PEPD: variants seen among roughly 807,000 people sequenced by gnomAD.
PEPD encodes the protein xaa-Pro dipeptidase.
In PEPD, 53 loss-of-function variants were observed where a neutral mutation model predicts 60.7. That is an observed-to-expected ratio of 0.87 (90% CI 0.70 to 1.10). The LOEUF is 1.10. Ranked by LOEUF, PEPD falls within the 50% of genes least tolerant of loss-of-function variation. The pLI, the probability that PEPD is intolerant of heterozygous loss-of-function variation, is 0.00. For synonymous variants in PEPD, 267 were observed against 284.1 expected, an observed-to-expected ratio of 0.94 and a Z score of 0.60; for missense variants, 711 against 711.9, an observed-to-expected ratio of 1.00 and a Z score of 0.01.
intron 9 of PEPD, among the ~76,000 whole-genome samples, chr19:33,433,034 GGAATTGTTTCTATCCCTCCATTCCT>G (rs532726974): frequency 7.9e-4 from 120 of 152,332 alleles, no homozygotes; most frequent in African/African-American, 2.8e-3. Flanking sequence ...ACACTTTAAG[GGAATTGTTTCTATCCCTCCATTCCT>G]GAACAAGCCA....
intron 12 of PEPD, among the ~76,000 whole-genome samples, chr19:33,393,300 C>T (rs867757002): frequency 7.3e-4 from 108 of 148,634 alleles, no homozygotes; most frequent in Middle Eastern, 3.5e-3. Flanking sequence ...GGGGAGAGCC[C>T]GGGGTCTGGC....
intron 4 of PEPD, among the ~76,000 whole-genome samples, chr19:33,500,734 A>G (rs768551865): frequency 2.7e-4 from 41 of 152,208 alleles, no homozygotes; most frequent in Non-Finnish European, 5.1e-4. Context: ...CTTCCCAGGC[A>G]AAGCAATGGC....
At chr19:33,412,359 A>G (rs1262423912) in intron 10 of PEPD, among the ~76,000 whole-genome samples, 4 of 152,174 alleles carry the variant, frequency 2.6e-5, no homozygotes, top group Non-Finnish European at 5.9e-5. Flanking sequence ...AATTAAAAAA[A>G]GAGCAAAAAA....
chr19:33,405,598 C>T (rs1180963015), intron 11 of PEPD, among the ~76,000 whole-genome samples: 2 of 152,210 alleles, frequency 1.3e-5, no homozygotes, highest in African/African-American at 4.8e-5. Flanking sequence ...CCCCAGTGGG[C>T]GGCCCCTGCA....
At chr19:33,405,753 C>G (rs1166639180) in intron 11 of PEPD, among the ~76,000 whole-genome samples, 1 of 152,248 alleles carries the variant, frequency 6.6e-6, no homozygotes, top group Non-Finnish European at 1.5e-5. Flanking sequence ...CGTGCCATGG[C>G]CTAACCCACC....
intron 5 of PEPD, 50 bp downstream of exon 5, chr19:33,493,240 A>G (rs746291180): frequency 8.0e-6 from 11 of 1,376,888 alleles, no homozygotes; most frequent in Non-Finnish European, 1.0e-5. Flanking sequence ...CCCCATAAAA[A>G]CCCTCCCCAG....
rs965203700 is a variant in PEPD at position 33,461,797 on chromosome 19, G to GC, written c.671+1197dup. Among the ~76,000 whole-genome samples, 9 of 152,296 alleles carry GC rather than the reference G, an allele frequency of 5.9e-5. No individual in the cohort carries two copies. In the East Asian group the frequency reaches 1.2e-3, roughly 20 times the overall value. On this transcript the variant is annotated intron_variant, in intron 9 of 14. Coordinates refer to ENST00000244137, the MANE Select transcript of PEPD (RefSeq NM_000285.4). ...CACTGCAGAAGGAGACCACGCAGAC[G>GC]CAAGTGCTGGGATAGCTCTGCGAGC...
intron 5 of PEPD, among the ~76,000 whole-genome samples, chr19:33,490,733 G>A (rs963505575): frequency 6.6e-6 from 1 of 151,962 alleles, no homozygotes; most frequent in African/African-American, 2.4e-5. Flanking sequence ...GCACCATCTC[G>A]GCTCACCTCA....
intron 9 of PEPD, 51 bp from the exon 10 acceptor site, chr19:33,413,694 C>T (rs1311601542): frequency 3.6e-6 from 4 of 1,124,550 alleles, no homozygotes; most frequent in Non-Finnish European, 5.3e-6. Context: ...AGGCACACCC[C>T]ACTCCACGAG....
In PEPD at chr19:33,511,143, G is replaced by A; in HGVS notation, c.214C>T (p.His72Tyr). 6.2e-7 allele frequency: 1 copy of A among 1,614,054 alleles called. No homozygotes were observed. The highest frequency in any genetic ancestry group is 8.5e-7 in the Non-Finnish European group (1 of 1,179,942). The change falls in exon 3 of 15, where the codon CAC becomes TAC. Residue 72 changes from histidine to tyrosine, a missense_variant. Physicochemically the swap from His to Tyr is moderately conservative, Grantham distance 83. Coordinates refer to ENST00000244137, the MANE Select transcript of PEPD (RefSeq NM_000285.4). ...GGCTCAGTGACACCGAACGCCCAGT[G>A]AAAGAAGGACTCCTGTGGCGGGAAC... ...GVLFRQESFF[H>Y]WAFGVTEPGC...
intron 9 of PEPD, among the ~76,000 whole-genome samples, chr19:33,451,446 A>G (rs1246596142): frequency 6.6e-6 from 1 of 152,254 alleles, no homozygotes; most frequent in Non-Finnish European, 1.5e-5. Context: ...GTGATTCTAC[A>G]TTTAACATGG....
intron 6 of PEPD, among the ~76,000 whole-genome samples, chr19:33,479,345 A>G (rs1455684448): frequency 1.3e-5 from 2 of 152,206 alleles, no homozygotes; most frequent in Non-Finnish European, 2.9e-5. Flanking sequence ...CCTTATCAAT[A>G]ATTACTTTAG....
At chr19:33,445,821 C>G (rs538728737) in intron 9 of PEPD, among the ~76,000 whole-genome samples, 43 of 152,316 alleles carry the variant, frequency 2.8e-4, no homozygotes, top group African/African-American at 1.0e-3. Flanking sequence ...CGAGTCCCAC[C>G]AGGCTCAAAG....
chr19:33,439,934 G>A (rs532338269), intron 9 of PEPD, among the ~76,000 whole-genome samples: 1 of 152,260 alleles, frequency 6.6e-6, no homozygotes, highest in Admixed American at 6.5e-5. Flanking sequence ...CCCAGGCTGG[G>A]CTCGAACCCC....
At chr19:33,395,351 A>T (rs1192002687) in intron 12 of PEPD, among the ~76,000 whole-genome samples, 1 of 151,976 alleles carries the variant, frequency 6.6e-6, no homozygotes, top group Non-Finnish European at 1.5e-5. Context: ...TGCTTGGTAA[A>T]CGCCTGGAAG....
chr19:33,444,223 A>C (rs1230307640), intron 9 of PEPD, among the ~76,000 whole-genome samples: 2 of 152,102 alleles, frequency 1.3e-5, no homozygotes, highest in African/African-American at 4.8e-5. Context: ...CACCACATAC[A>C]TGCATGCATG....
intron 11 of PEPD, among the ~76,000 whole-genome samples, chr19:33,411,262 T>G (rs1406944043): frequency 6.6e-6 from 1 of 152,044 alleles, no homozygotes; most frequent in Non-Finnish European, 1.5e-5. Flanking sequence ...CGTGGGAGGC[T>G]CCCTGCGGTC....
At chr19:33,501,421 G>A (rs1011516590) in intron 3 of PEPD, among the ~76,000 whole-genome samples, 3 of 152,130 alleles carry the variant, frequency 2.0e-5, no homozygotes, top group Non-Finnish European at 4.4e-5. Context: ...AAGGTCAGCC[G>A]CAGAATCCCA....
intron 9 of PEPD, 198 bp downstream of exon 9, chr19:33,462,797 A>G (rs968666344): frequency 1.4e-5 from 9 of 636,226 alleles, no homozygotes; most frequent in African/African-American, 7.2e-5. Context: ...AAACCATTAC[A>G]TCAAACACTC....
Sources: gnomAD v4.1 joint callset for allele counts (sites outside exome capture counted in the v4.1 genomes callset) on GRCh38, gnomAD v4.1.1 for gene constraint, MANE v1.5 for transcripts, NCBI Gene and HGNC (gene_info 2026-07-23, HGNC 2026-07-21) for gene names.